CASP4: variants seen among roughly 807,000 people sequenced by gnomAD.
The protein encoded by CASP4 is caspase 4.
CASP4 carries 29 observed loss-of-function variants against 41.3 expected under a neutral mutation model. The observed-to-expected ratio is 0.70, with a 90% CI of 0.52 to 0.96. The LOEUF is 0.96. Ranked by LOEUF, CASP4 falls within the 40% of genes least tolerant of loss-of-function variation. The pLI, the probability that CASP4 is intolerant of heterozygous loss-of-function variation, is 0.00. For synonymous variants in CASP4, 185 were observed against 158.4 expected, an observed-to-expected ratio of 1.17 and a Z score of -1.26; for missense variants, 447 against 460.6, an observed-to-expected ratio of 0.97 and a Z score of 0.27.
At chr11:104,949,884 G>T in intron 4 of CASP4, 107 bp from the exon 5 acceptor site, 1 of 1,035,620 alleles carries the variant, frequency 9.7e-7, no homozygotes, top group Non-Finnish European at 1.4e-6. Flanking sequence ...TCCAGGTCGT[G>T]GTGCTTCACT....
At chr11:104,965,875 A>G (rs894986524) in intron 1 of CASP4, among the ~76,000 whole-genome samples, 13 of 152,142 alleles carry the variant, frequency 8.5e-5, no homozygotes, top group African/African-American at 1.4e-4. Context: ...GCTGCACTCA[A>G]TGGATCAGCT....
At position 104,949,763 on chromosome 11, in the gene CASP4, C is replaced by T. The variant is rs538762722; in HGVS notation, c.561G>A (p.Ala187=). The change falls in exon 5 of 9, where the codon GCG becomes GCA. Residue 187 remains alanine, a synonymous_variant. Coordinates refer to ENST00000444739, the MANE Select transcript of CASP4 (RefSeq NM_001225.4). ...ENLTARDMES[A]LRAFATRPEH... ...CTGGTCTGGTAGCAAATGCCCTCAG[C>T]GCTGACTCCATATCCTGTAAAAGAG... 243 of 1,613,762 alleles carry T rather than the reference C, an allele frequency of 1.5e-4. 3 individuals are homozygous for T. The South Asian group carries it at 2.5e-3, about 16-fold the overall frequency.
intron 1 of CASP4, among the ~76,000 whole-genome samples, chr11:104,962,520 A>G (rs1860884175): frequency 6.6e-6 from 1 of 152,196 alleles, no homozygotes; most frequent in Admixed American, 6.5e-5. Flanking sequence ...ACATGGGTTT[A>G]GGACCCCTAT....
intron 4 of CASP4, among the ~76,000 whole-genome samples, chr11:104,950,231 C>T (rs1860573754): frequency 6.6e-6 from 1 of 152,076 alleles, no homozygotes; most frequent in Non-Finnish European, 1.5e-5. Flanking sequence ...TTGTGCTTCT[C>T]GTGTGCCAGG....
At chr11:104,958,457 T>C (rs1234521395) in intron 1 of CASP4, among the ~76,000 whole-genome samples, 1 of 151,974 alleles carries the variant, frequency 6.6e-6, no homozygotes, top group Non-Finnish European at 1.5e-5. Flanking sequence ...GATTTAGAAA[T>C]AAGCAAAGGA....
chr11:104,968,426 C>G lies in CASP4; in HGVS notation c.7+93G>C, dbSNP rs55803114. 1,638 of 1,131,362 alleles carry G rather than the reference C, an allele frequency of 1.4e-3. 16 individuals are homozygous for G. In the African/African-American group the frequency reaches 0.021, roughly 15 times the overall value. The allele number at this position is 1,131,362 out of a possible 1,614,324, so 70.1% of individuals were successfully genotyped here. ...AAAAGGAATTCAACATGTGTGCTAT[C>G]GGCTCACTTCCTTTCTTGTGTTTAT... is the stretch of plus-strand genomic sequence containing the variant. On this transcript the variant is annotated intron_variant, in intron 1 of 8. Coordinates refer to ENST00000444739, the MANE Select transcript of CASP4 (RefSeq NM_001225.4).
At chr11:104,965,052 A>T (rs1488425894) in intron 1 of CASP4, among the ~76,000 whole-genome samples, 3 of 152,222 alleles carry the variant, frequency 2.0e-5, no homozygotes, top group African/African-American at 7.2e-5. Flanking sequence ...ATTATGCTTC[A>T]AAAGAAAACA....
At chr11:104,952,692 T>G (rs999051977) in intron 2 of CASP4, among the ~76,000 whole-genome samples, 4 of 152,140 alleles carry the variant, frequency 2.6e-5, no homozygotes, top group Non-Finnish European at 5.9e-5. Context: ...AAGGCATTAT[T>G]TTTTTAGCAA....
intron 1 of CASP4, among the ~76,000 whole-genome samples, chr11:104,966,451 A>C (rs1221908066): frequency 6.6e-6 from 1 of 152,222 alleles, no homozygotes; most frequent in Admixed American, 6.5e-5. Context: ...AAGTAAAATG[A>C]AAAATATTAT....
chr11:104,966,620 T>C (rs571363566), intron 1 of CASP4, among the ~76,000 whole-genome samples: 2 of 151,920 alleles, frequency 1.3e-5, no homozygotes, highest in South Asian at 4.2e-4. Flanking sequence ...CAGAGAGCAG[T>C]AAGGAAAAAA....
rs1233166655 is a variant in CASP4, at chr11:104,946,953, C to A, written c.1035+130G>T. 3 of 647,774 alleles carry A rather than the reference C, an allele frequency of 4.6e-6. No individual in the cohort carries two copies. In the East Asian group the frequency reaches 7.7e-5, roughly 17 times the overall value. The allele number at this position is 647,774 out of a possible 1,614,324, so 40.1% of individuals were successfully genotyped here. A position where few individuals can be genotyped will look rare whatever the true frequency, so the allele number is the denominator to read the frequency against. On this transcript the variant is annotated intron_variant, in intron 7 of 8. Coordinates refer to ENST00000444739, the MANE Select transcript of CASP4 (RefSeq NM_001225.4). ...TTTTCCTTAGCCATATTTTAAACAACTGAATGACAGAAACTGGGTACCTCT... is the reference window on the plus strand; with the variant it reads ...TTTTCCTTAGCCATATTTTAAACAAATGAATGACAGAAACTGGGTACCTCT...
chr11:104,944,670 T>A, intron 8 of CASP4, 78 bp downstream of exon 8: 1 of 908,308 alleles, frequency 1.1e-6, no homozygotes, highest in East Asian at 2.4e-5. Context: ...TACTCAGCTG[T>A]CATTTGTCAT....
intron 4 of CASP4, 53 bp from the exon 5 acceptor site, chr11:104,949,830 G>A: frequency 1.3e-6 from 2 of 1,548,540 alleles, no homozygotes; most frequent in Admixed American, 1.7e-5. Flanking sequence ...AATTAAAGGG[G>A]ACTCCTAGAT....
At chr11:104,950,650 G>A (rs1297421789) in intron 4 of CASP4, among the ~76,000 whole-genome samples, 1 of 151,890 alleles carries the variant, frequency 6.6e-6, no homozygotes, top group Non-Finnish European at 1.5e-5. Context: ...GGGGATTTTC[G>A]GGGCTGCATC....
At chr11:104,944,366 C>CTG (rs751326691) in intron 8 of CASP4, 10,443 of 107,094 alleles carry the variant, frequency 0.098, 343 homozygotes, top group East Asian at 0.16. Context: ...CTCTCTCTCT[C>CTG]TCTGTGTGTG....
intron 1 of CASP4, among the ~76,000 whole-genome samples, chr11:104,959,354 T>C (rs1860808529): frequency 6.6e-6 from 1 of 152,060 alleles, no homozygotes; most frequent in African/African-American, 2.4e-5. Flanking sequence ...ACACAAAATA[T>C]CACATTATCT....
In CASP4 at chr11:104,954,940, A is replaced by G; in HGVS notation, c.69T>C (p.Thr23=). The G allele has an allele frequency of 6.2e-7, 1 of 1,613,636 alleles. No homozygotes were observed. The highest frequency in any genetic ancestry group is 1.1e-5 in the South Asian group (1 of 91,062). ...GTTCCACCAAGTTATCCAAAACACC[A>G]GTGAGGAAATCTTTGCCCAGGGATT... ...VLESLGKDFL[T]GVLDNLVEQN... is the part of the protein sequence containing the mutation. Residue 23 remains threonine (T), a synonymous_variant, in exon 2 of 9, where the codon ACT becomes ACC. Coordinates refer to ENST00000444739, the MANE Select transcript of CASP4 (RefSeq NM_001225.4).
chr11:104,961,186 C>T (rs977852077), intron 1 of CASP4, among the ~76,000 whole-genome samples: 1 of 152,242 alleles, frequency 6.6e-6, no homozygotes. Flanking sequence ...ACTCTCTCCA[C>T]TGGCAGGCAC....
chr11:104,949,782 A>G lies in CASP4; in HGVS notation c.547-5T>C. 6.2e-7 allele frequency: 1 copy of G among 1,613,256 alleles called. No individual in the cohort carries two copies. ...CCTCAGCGCTGACTCCATATCCTGT[A>G]AAAGAGCAATGTCTAACTTCAGTCA... is the stretch of plus-strand genomic sequence containing the variant. On this transcript the variant is annotated splice_region_variant and splice_polypyrimidine_tract_variant and intron_variant, in intron 4 of 8. Transcript: ENST00000444739.
Sources: gnomAD v4.1 joint callset for allele counts (sites outside exome capture counted in the v4.1 genomes callset) on GRCh38, gnomAD v4.1.1 for gene constraint, MANE v1.5 for transcripts, NCBI Gene and HGNC (gene_info 2026-07-23, HGNC 2026-07-21) for gene names.